IGF2BP2: variants seen among roughly 807,000 people sequenced by gnomAD.
IGF2BP2 encodes the protein insulin like growth factor 2 mRNA binding protein 2.
In IGF2BP2, 17 loss-of-function variants were observed where a neutral mutation model predicts 75.8. That is an observed-to-expected ratio of 0.22 (90% CI 0.15 to 0.34). The LOEUF (loss-of-function observed/expected upper bound fraction) is 0.34. IGF2BP2 is among the 10% of genes least tolerant of loss of function. The probability of loss-of-function intolerance (pLI) is 1.00; values close to 1 mark genes in which losing one functional copy is unlikely to be tolerated. For missense variants in IGF2BP2, 516 were observed against 772.4 expected (o/e 0.67, Z 3.93); for synonymous variants, 288 against 295.6 (o/e 0.97, Z 0.26).
chr3:185,675,582 T>C lies in IGF2BP2; in HGVS notation c.936-151A>G, dbSNP rs41268601. 1.3e-3 allele frequency: 1,446 copies of C among 1,120,170 alleles called. 11 individuals are homozygous for C. The highest frequency in any genetic ancestry group is 7.9e-3 in the South Asian group (533 of 67,692). 69.4% of individuals were successfully genotyped at this position (1,120,170 alleles called of 1,614,324 possible). ...TGGTGGAGAATCCCTGCCATCTTAT[T>C]TCAAATCTTACCAGTGATTTAGATC... On this transcript the variant is annotated intron_variant, in intron 8 of 15. Coordinates refer to ENST00000382199, the MANE Select transcript of IGF2BP2 (RefSeq NM_006548.6).
At chr3:185,737,530 A>C (rs370773116) in intron 2 of IGF2BP2, among the ~76,000 whole-genome samples, 4 of 152,390 alleles carry the variant, frequency 2.6e-5, no homozygotes, top group African/African-American at 9.6e-5. Context: ...TGCACAAAGA[A>C]TGTGTGCATA....
chr3:185,792,938 C>T (rs1233424323), intron 2 of IGF2BP2, among the ~76,000 whole-genome samples: 1 of 152,064 alleles, frequency 6.6e-6, no homozygotes, highest in Non-Finnish European at 1.5e-5. Context: ...GCTCTTCCTC[C>T]TCTATCTCAG....
At chr3:185,662,274 T>A (rs1338423725) in intron 10 of IGF2BP2, among the ~76,000 whole-genome samples, 2 of 151,872 alleles carry the variant, frequency 1.3e-5, no homozygotes, top group East Asian at 3.9e-4. Context: ...GGTCAGGAGT[T>A]CAAGACCAGC....
Position 185,686,201 on chromosome 3 carries a change from T to C in IGF2BP2, c.812+856A>G, listed in dbSNP as rs190235992. 2.0e-5 allele frequency among the ~76,000 whole-genome samples: 3 copies of C among 152,152 alleles called. No homozygotes were observed. The East Asian group carries it at 5.8e-4, about 30-fold the overall frequency. On this transcript the variant is annotated intron_variant, in intron 7 of 15. Coordinates refer to ENST00000382199, the MANE Select transcript of IGF2BP2 (RefSeq NM_006548.6). ...GAGTTCGAGACTAGCCTGGCCAACA[T>C]GGTGAAACCTTGTCTCTTCTAAAAG...
intron 2 of IGF2BP2, among the ~76,000 whole-genome samples, chr3:185,809,470 G>T (rs933196484): frequency 6.6e-6 from 1 of 151,958 alleles, no homozygotes; most frequent in South Asian, 2.1e-4. Context: ...AGATTCACTC[G>T]CAAGTTTTAA....
intron 2 of IGF2BP2, among the ~76,000 whole-genome samples, chr3:185,723,423 T>A (rs1316321674): frequency 6.6e-6 from 1 of 152,198 alleles, no homozygotes; most frequent in Non-Finnish European, 1.5e-5. Flanking sequence ...ACAAGGATGC[T>A]GCATCCCAGA....
chr3:185,683,543 G>T (rs1158863510), intron 7 of IGF2BP2, among the ~76,000 whole-genome samples: 1 of 151,918 alleles, frequency 6.6e-6, no homozygotes, highest in African/African-American at 2.4e-5. Flanking sequence ...CAAGTAGCTG[G>T]GACTACAGGT....
chr3:185,725,401 T>C (rs1426541344), intron 2 of IGF2BP2, among the ~76,000 whole-genome samples: 1 of 152,190 alleles, frequency 6.6e-6, no homozygotes. Flanking sequence ...AGGAGAGCAC[T>C]GATACTATGT....
intron 2 of IGF2BP2, among the ~76,000 whole-genome samples, chr3:185,712,957 C>T (rs1213209354): frequency 6.6e-6 from 1 of 152,182 alleles, no homozygotes; most frequent in Non-Finnish European, 1.5e-5. Context: ...ACTTTCATTA[C>T]TGCCAGGATA....
intron 2 of IGF2BP2, among the ~76,000 whole-genome samples, chr3:185,715,408 G>A (rs1411765101): frequency 5.3e-5 from 8 of 152,106 alleles, no homozygotes; most frequent in African/African-American, 1.4e-4. Flanking sequence ...GAATCATCAC[G>A]CCCCACACAG....
At chr3:185,726,768 T>A (rs1039160709) in intron 2 of IGF2BP2, among the ~76,000 whole-genome samples, 3 of 152,178 alleles carry the variant, frequency 2.0e-5, no homozygotes, top group African/African-American at 7.2e-5. Flanking sequence ...ATTCCTTTTG[T>A]GTCAGTAACA....
At chr3:185,721,328 A>C (rs1409401019) in intron 2 of IGF2BP2, among the ~76,000 whole-genome samples, 2 of 151,988 alleles carry the variant, frequency 1.3e-5, no homozygotes, top group African/African-American at 2.4e-5. Flanking sequence ...CAGCCTCCCG[A>C]GTAGCTGAGA....
At chr3:185,651,261 C>T (rs1488294790) in intron 13 of IGF2BP2, among the ~76,000 whole-genome samples, 1 of 152,208 alleles carries the variant, frequency 6.6e-6, no homozygotes, top group Non-Finnish European at 1.5e-5. Context: ...GATGGTCACC[C>T]ATGTTGCACC....
At chr3:185,650,403 G>A (rs1462476533) in intron 13 of IGF2BP2, among the ~76,000 whole-genome samples, 5 of 151,770 alleles carry the variant, frequency 3.3e-5, no homozygotes, top group African/African-American at 9.7e-5. Flanking sequence ...CAGTCCAGGC[G>A]TGGTGGCTCA....
intron 7 of IGF2BP2, among the ~76,000 whole-genome samples, chr3:185,685,007 T>C (rs1162617004): frequency 6.6e-6 from 1 of 152,210 alleles, no homozygotes; most frequent in East Asian, 1.9e-4. Context: ...ATTAGTCTTT[T>C]TGACTAATTT....
At chr3:185,652,007 G>A (rs1375663724) in intron 13 of IGF2BP2, 87 bp downstream of exon 13, 12 of 1,001,336 alleles carry the variant, frequency 1.2e-5, no homozygotes, top group Non-Finnish European at 1.7e-5. Flanking sequence ...TGGAGGCTGG[G>A]CCTCCAAAGA....
intron 2 of IGF2BP2, among the ~76,000 whole-genome samples, chr3:185,757,459 C>CTTTTTT (rs57417087): frequency 4.0e-5 from 4 of 99,614 alleles, no homozygotes; most frequent in African/African-American, 8.2e-5. Flanking sequence ...ATATCTCATA[C>CTTTTTT]TTTTTTTTTT....
chr3:185,772,946 T>G (rs7648605), intron 2 of IGF2BP2, among the ~76,000 whole-genome samples: 43,776 of 152,006 alleles, frequency 0.29, 6,599 homozygotes, highest in African/African-American at 0.38. Context: ...GGCCATCTAT[T>G]AATGAATGGG....
intron 2 of IGF2BP2, among the ~76,000 whole-genome samples, chr3:185,726,663 G>A (rs1356227514): frequency 4.6e-5 from 7 of 152,148 alleles, no homozygotes; most frequent in African/African-American, 9.7e-5. Flanking sequence ...AGATATTATC[G>A]TTGGATGAGG....
Sources: allele counts gnomAD v4.1 joint callset (sites outside exome capture counted in the v4.1 genomes callset), GRCh38; gene constraint gnomAD v4.1.1; transcripts MANE v1.5; gene names NCBI Gene and HGNC (gene_info 2026-07-23, HGNC 2026-07-21).